OPA1: variants seen among roughly 807,000 people sequenced by gnomAD.
The protein encoded by OPA1 is dynamin-like GTPase OPA1, mitochondrial.
A neutral mutation model predicts 152.9 loss-of-function variants in OPA1; 59 were observed. The ratio of observed to expected loss-of-function variants is 0.39; its 90% CI spans 0.31 to 0.48. The LOEUF (loss-of-function observed/expected upper bound fraction) is 0.48. Ranked by LOEUF, OPA1 falls within the 20% of genes least tolerant of loss-of-function variation. The pLI is 0.96. For missense variants in OPA1, 1,008 were observed against 1,216.8 expected, an observed-to-expected ratio of 0.83 and a Z score of 2.55; for synonymous variants, 400 against 389.9, an observed-to-expected ratio of 1.03 and a Z score of -0.31.
At chr3:193,677,527 ACT>A (rs1198585524) in intron 29 of OPA1, among the ~76,000 whole-genome samples, 4 of 152,040 alleles carry the variant, frequency 2.6e-5, no homozygotes, top group Non-Finnish European at 5.9e-5. Context: ...AATTCATTGG[ACT>A]CTGCAACAGT....
chr3:193,653,217 T>C (rs943252054), intron 21 of OPA1, among the ~76,000 whole-genome samples: 2 of 152,198 alleles, frequency 1.3e-5, no homozygotes, highest in Non-Finnish European at 2.9e-5. Flanking sequence ...CCTCAGACTC[T>C]GATTTCTTTA....
intron 30 of OPA1, among the ~76,000 whole-genome samples, chr3:193,693,998 T>A (rs1234818214): frequency 6.6e-6 from 1 of 152,202 alleles, no homozygotes; most frequent in Non-Finnish European, 1.5e-5. Context: ...TCTGTTTTTT[T>A]AACAAAATGA....
chr3:193,626,367 G>A (rs1731143262), intron 7 of OPA1, among the ~76,000 whole-genome samples, 165 bp downstream of exon 7: 1 of 152,122 alleles, frequency 6.6e-6, no homozygotes, highest in African/African-American at 2.4e-5. Flanking sequence ...TTTCTGGAGT[G>A]GGTAGTATAG....
Position 193,648,871 on chromosome 3 carries a change from GGTAA to G in OPA1, c.2012+4_2012+7del. 2 of 1,583,494 alleles carry G rather than the reference GGTAA, an allele frequency of 1.3e-6. No individual in the cohort carries two copies. Among genetic ancestry groups the G allele is most frequent in the Non-Finnish European group, 1.7e-6 (2 of 1,152,542 alleles). ...CTGAGCCAGGTTACACCAAAACATT[GGTAA>G]GTATTTGATATTAATCTCTTTTCTG... On this transcript the variant is annotated splice_donor_variant and splice_donor_region_variant and intron_variant, in intron 21 of 30. Coordinates refer to ENST00000361510, the MANE Select transcript of OPA1 (RefSeq NM_130837.3). LOFTEE classifies it high-confidence loss of function.
At chr3:193,691,956 C>A in intron 29 of OPA1, 107 bp from the exon 30 acceptor site, 1 of 684,544 alleles carries the variant, frequency 1.5e-6, no homozygotes. Flanking sequence ...TCATATTTTT[C>A]TTTTTCCCGC....
At chr3:193,648,999 A>G (rs947127607) in intron 21 of OPA1, 128 bp downstream of exon 21, 6 of 668,148 alleles carry the variant, frequency 9.0e-6, no homozygotes, top group Middle Eastern at 4.3e-4. Flanking sequence ...ACGTAATAGT[A>G]TATTTTTTTG....
chr3:193,676,634 A>G (rs1355898967), intron 29 of OPA1, among the ~76,000 whole-genome samples: 2 of 152,172 alleles, frequency 1.3e-5, no homozygotes, highest in African/African-American at 4.8e-5. Flanking sequence ...CGAGACTCAA[A>G]ATGGGTCTTT....
At chr3:193,653,762 A>G (rs1200430669) in intron 21 of OPA1, among the ~76,000 whole-genome samples, 1 of 152,224 alleles carries the variant, frequency 6.6e-6, no homozygotes, top group Non-Finnish European at 1.5e-5. Flanking sequence ...CCGTAAGCAC[A>G]TGAAGTATAT....
chr3:193,655,132 G>T (rs893577612), intron 22 of OPA1, 105 bp downstream of exon 22: 7 of 1,021,570 alleles, frequency 6.9e-6, no homozygotes, highest in Non-Finnish European at 1.0e-5. Flanking sequence ...TTTCTTTTAG[G>T]TCTTTATATC....
intron 29 of OPA1, among the ~76,000 whole-genome samples, chr3:193,670,230 G>A (rs1560052449): frequency 6.6e-6 from 1 of 152,174 alleles, no homozygotes; most frequent in Non-Finnish European, 1.5e-5. Context: ...TTGGTTGATT[G>A]GATTTGGAGA....
chr3:193,606,326 T>C (rs1727266697), intron 1 of OPA1, among the ~76,000 whole-genome samples: 2 of 152,170 alleles, frequency 1.3e-5, no homozygotes, highest in Admixed American at 1.3e-4. Flanking sequence ...TGCAGGTTTG[T>C]TACATATGTA....
intron 29 of OPA1, among the ~76,000 whole-genome samples, chr3:193,677,727 C>T (rs908458676): frequency 6.6e-6 from 1 of 152,172 alleles, no homozygotes; most frequent in Non-Finnish European, 1.5e-5. Context: ...CCCTTCTCCC[C>T]CAGTGAGCAC....
At chr3:193,681,810 CTTAA>C (rs1308360063) in intron 29 of OPA1, among the ~76,000 whole-genome samples, 1 of 152,176 alleles carries the variant, frequency 6.6e-6, no homozygotes, top group Non-Finnish European at 1.5e-5. Context: ...AGTCAGTGAC[CTTAA>C]TCAGTAAACG....
chr3:193,601,720 G>A (rs2108798407), intron 1 of OPA1, among the ~76,000 whole-genome samples: 1 of 152,222 alleles, frequency 6.6e-6, no homozygotes, highest in South Asian at 2.1e-4. Context: ...ACGTTTTGTA[G>A]GCATCATTTG....
At chr3:193,671,701 A>G (rs1213642927) in intron 29 of OPA1, among the ~76,000 whole-genome samples, 4 of 152,254 alleles carry the variant, frequency 2.6e-5, no homozygotes, top group African/African-American at 9.6e-5. Flanking sequence ...CAGGAGAAAT[A>G]TGATCTTTGT....
intron 1 of OPA1, among the ~76,000 whole-genome samples, chr3:193,602,876 G>C (rs181412500): frequency 1.3e-5 from 2 of 152,254 alleles, no homozygotes; most frequent in Admixed American, 1.3e-4. Flanking sequence ...CTTAGCTATG[G>C]TCACAGCATC....
chr3:193,621,580 T>C (rs968848311), intron 6 of OPA1, among the ~76,000 whole-genome samples: 3 of 152,266 alleles, frequency 2.0e-5, no homozygotes, highest in Non-Finnish European at 4.4e-5. Flanking sequence ...ATTATTTATG[T>C]CATGTTGATC....
chr3:193,662,221 G>C (rs1264535715), intron 25 of OPA1, among the ~76,000 whole-genome samples: 2 of 152,154 alleles, frequency 1.3e-5, no homozygotes, highest in Non-Finnish European at 2.9e-5. Flanking sequence ...TTGGTAAAGA[G>C]ATTATGAATA....
At chr3:193,598,409 T>A (rs2108783244) in intron 1 of OPA1, among the ~76,000 whole-genome samples, 1 of 152,252 alleles carries the variant, frequency 6.6e-6, no homozygotes. Context: ...AGTGGAAGAA[T>A]GAATTGCTAA....
Sources: gnomAD v4.1 joint callset for allele counts (sites outside exome capture counted in the v4.1 genomes callset) on GRCh38, gnomAD v4.1.1 for gene constraint, MANE v1.5 for transcripts, NCBI Gene and HGNC (gene_info 2026-07-23, HGNC 2026-07-21) for gene names.